The following NCF2 variants were observed in gnomAD, a reference collection of about 807,000 sequenced individuals.
The protein encoded by NCF2 is neutrophil cytosol factor 2.
In NCF2, 45 loss-of-function variants were observed where a neutral mutation model predicts 70.9. The observed-to-expected ratio is 0.63, with a 90% CI of 0.50 to 0.81. NCF2 has a LOEUF of 0.81. Among genes scored for constraint, NCF2 ranks in the 40% least tolerant of loss-of-function variants. NCF2 has a pLI of 0.00. For synonymous variants in NCF2, 203 were observed against 233.6 expected, an observed-to-expected ratio of 0.87 and a Z score of 1.19; for missense variants, 522 against 631.6, an observed-to-expected ratio of 0.83 and a Z score of 1.86.
chr1:183,586,809 A>G, intron 2 of NCF2, 86 bp downstream of exon 2: 1 of 1,206,342 alleles, frequency 8.3e-7, no homozygotes, highest in Non-Finnish European at 1.2e-6. Context: ...TTGGGAAGGT[A>G]CTGCTCAAAC....
intron 2 of NCF2, among the ~76,000 whole-genome samples, chr1:183,582,703 G>T (rs1005294202): frequency 3.9e-5 from 6 of 152,212 alleles, no homozygotes; most frequent in African/African-American, 1.2e-4. Flanking sequence ...TCAGCAGGAA[G>T]AAGGCTTTGC....
chr1:183,599,452 T>TTTCTTTCTTTCTTTCTTTCTTTC, the NCF2 span, among the ~76,000 whole-genome samples: 3 of 133,496 alleles, frequency 2.2e-5, no homozygotes, highest in African/African-American at 8.9e-5. Context: ...CTTTCTTTCT[T>TTTCTTTCTTTCTTTCTTTCTTTC]TCTTTCTTTC....
At chr1:183,581,223 A>C (rs1452889751) in intron 2 of NCF2, among the ~76,000 whole-genome samples, 1 of 146,588 alleles carries the variant, frequency 6.8e-6, no homozygotes, top group African/African-American at 2.5e-5. Flanking sequence ...TCAAGACTGC[A>C]GTGAGACATG....
chr1:183,600,688 C>T, the NCF2 span, among the ~76,000 whole-genome samples: 1 of 152,072 alleles, frequency 6.6e-6, no homozygotes. Flanking sequence ...GAGACACAGG[C>T]TCTTCACTCT....
At chr1:183,600,770 A>G in the NCF2 span, among the ~76,000 whole-genome samples, 1 of 152,104 alleles carries the variant, frequency 6.6e-6, no homozygotes, top group Admixed American at 6.5e-5. Flanking sequence ...ATCTGACAGA[A>G]GAGCCTCCCA....
At chr1:183,585,591 C>G (rs958311711) in intron 2 of NCF2, among the ~76,000 whole-genome samples, 1 of 134,322 alleles carries the variant, frequency 7.4e-6, no homozygotes, top group Non-Finnish European at 1.5e-5. Context: ...CGCCACTGCA[C>G]TCCAGCCTGG....
At chr1:183,565,611 C>T (rs1244159696) in intron 10 of NCF2, 93 bp downstream of exon 10, 5 of 1,313,468 alleles carry the variant, frequency 3.8e-6, no homozygotes, top group Non-Finnish European at 5.5e-6. Context: ...GAAGAAGAAA[C>T]CAGAATTTCC....
At chr1:183,568,083 A>G (rs1395328101) in intron 7 of NCF2, among the ~76,000 whole-genome samples, 2 of 151,960 alleles carry the variant, frequency 1.3e-5, no homozygotes, top group Admixed American at 1.3e-4. Flanking sequence ...CCTGTAGGGA[A>G]TACAGGCCCT....
At chr1:183,590,041 G>T in intron 1 of NCF2, 115 bp downstream of exon 1, 1 of 1,508,560 alleles carries the variant, frequency 6.6e-7, no homozygotes, top group South Asian at 1.1e-5. Context: ...GTGGAGCTTG[G>T]GCAACTTTTG....
intron 14 of NCF2, among the ~76,000 whole-genome samples, chr1:183,559,411 A>C (rs1316038227): frequency 6.6e-6 from 1 of 152,212 alleles, no homozygotes. Context: ...AAATTTACCT[A>C]CTTTTCTCTT....
intron 9 of NCF2, among the ~76,000 whole-genome samples, chr1:183,566,125 A>G (rs1672288744): frequency 6.6e-6 from 1 of 152,188 alleles, no homozygotes; most frequent in East Asian, 1.9e-4. Flanking sequence ...GAAAGGAAAA[A>G]TTCCACTTCT....
At chr1:183,562,565 C>T (rs1280334050) in intron 13 of NCF2, among the ~76,000 whole-genome samples, 1 of 152,104 alleles carries the variant, frequency 6.6e-6, no homozygotes, top group African/African-American at 2.4e-5. Flanking sequence ...CTTCTTCTCC[C>T]AGCTCATGTC....
intron 5 of NCF2, among the ~76,000 whole-genome samples, chr1:183,571,114 CTTT>C (rs66625837): frequency 1.9e-5 from 2 of 106,788 alleles, no homozygotes; most frequent in East Asian, 2.8e-4. Context: ...ATCAAATTAT[CTTT>C]TTTTTTTTTT....
rs762269733 is a variant in NCF2 at position 183,556,123 on chromosome 1, C to G, written c.1576G>C (p.Val526Leu). ...TTDLESTRRE[V>L] ...TTTGTAGTTTGTGAAACATCCTAGA[C>G]TTCTCTCCGAGTGCTTTCCAAATCT... is the stretch of plus-strand genomic sequence containing the variant. Residue 526 changes from valine (V) to leucine (L), a missense_variant, in exon 15 of 15, where the codon GTC (valine) becomes CTC (leucine). Val to Leu is a conservative substitution (Grantham distance 32). Coordinates refer to ENST00000367535, the MANE Select transcript of NCF2 (RefSeq NM_000433.4). 4 of 1,613,672 alleles carry G rather than the reference C, an allele frequency of 2.5e-6. No individual in the cohort carries two copies. In the African/African-American group the frequency reaches 5.3e-5, roughly 22 times the overall value.
chr1:183,599,656 A>G, the NCF2 span, among the ~76,000 whole-genome samples: 1 of 151,442 alleles, frequency 6.6e-6, no homozygotes, highest in Non-Finnish European at 1.5e-5. Context: ...GGTTCAAGCA[A>G]TTCTCCTGCC....
At chr1:183,574,371 A>T in intron 4 of NCF2, 116 bp downstream of exon 4, 1 of 1,436,082 alleles carries the variant, frequency 7.0e-7, no homozygotes, top group Non-Finnish European at 9.8e-7. Context: ...GATCAGTGTT[A>T]CCCAGACTCA....
chr1:183,596,526 C>A, the NCF2 span, among the ~76,000 whole-genome samples: 4 of 152,046 alleles, frequency 2.6e-5, no homozygotes. Context: ...ATAATCCCAG[C>A]ACTTTGAGAG....
chr1:183,587,995 C>T (rs141063458), intron 1 of NCF2, among the ~76,000 whole-genome samples: 32 of 152,224 alleles, frequency 2.1e-4, no homozygotes, highest in Middle Eastern at 3.4e-3. Flanking sequence ...AAGCTTTGAG[C>T]CAGTAGACAC....
rs540193843 is a variant in NCF2, at chr1:183,572,995, G to T, written c.609+190C>A. On this transcript the variant is annotated intron_variant, in intron 5 of 14. Coordinates refer to ENST00000367535, the MANE Select transcript of NCF2 (RefSeq NM_000433.4). ...GAGCTGGAAGGGAGAAATGGGAGCA[G>T]CTTGGAGAAAATAAACTAGACATGG... 9.8e-5 allele frequency among the ~76,000 whole-genome samples: 15 copies of T among 152,338 alleles called. 1 individual carries two copies. In the South Asian group the frequency reaches 3.1e-3, roughly 32 times the overall value.
Sources: gnomAD v4.1 joint callset for allele counts (sites outside exome capture counted in the v4.1 genomes callset) on GRCh38, gnomAD v4.1.1 for gene constraint, MANE v1.5 for transcripts, NCBI Gene and HGNC (gene_info 2026-07-23, HGNC 2026-07-21) for gene names.